ALG9: variants seen among roughly 807,000 people sequenced by gnomAD.
ALG9 encodes alpha-1,2-mannosyltransferase ALG9.
In ALG9, 55 loss-of-function variants were observed where a neutral mutation model predicts 81.8. That is an observed-to-expected ratio of 0.67 (90% CI 0.54 to 0.84). The LOEUF is 0.84. ALG9 is among the 40% of genes least tolerant of loss of function. The pLI, the probability that ALG9 is intolerant of heterozygous loss-of-function variation, is 0.00. For missense variants in ALG9, 629 were observed against 745.0 expected (o/e 0.84, Z 1.81); for synonymous variants, 278 against 274.3 (o/e 1.01, Z -0.13).
intron 11 of ALG9, among the ~76,000 whole-genome samples, chr11:111,837,961 C>A (rs1955595022): frequency 6.6e-6 from 1 of 152,060 alleles, no homozygotes; most frequent in African/African-American, 2.4e-5. Flanking sequence ...CCCAAATTTG[C>A]ATTTTAAGTT....
chr11:111,815,319 C>G (rs1212936516), intron 13 of ALG9, among the ~76,000 whole-genome samples: 5 of 152,012 alleles, frequency 3.3e-5, no homozygotes, highest in African/African-American at 9.7e-5. Flanking sequence ...GCGGGAGGAT[C>G]GCTTGAGCCC....
intron 8 of ALG9, among the ~76,000 whole-genome samples, chr11:111,850,578 G>A (rs1316202305): frequency 1.3e-5 from 2 of 151,338 alleles, no homozygotes; most frequent in African/African-American, 2.4e-5. Flanking sequence ...ATGGTGATGG[G>A]TGCCTGTAAT....
intron 8 of ALG9, among the ~76,000 whole-genome samples, chr11:111,848,385 AG>A (rs782626876): frequency 7.9e-5 from 12 of 152,102 alleles, no homozygotes; most frequent in Admixed American, 1.3e-4. Flanking sequence ...TTTGAAAACC[AG>A]GAACAGTTCG....
chr11:111,862,254 T>C (rs1269600455), intron 4 of ALG9, among the ~76,000 whole-genome samples: 3 of 151,096 alleles, frequency 2.0e-5, no homozygotes, highest in Non-Finnish European at 4.4e-5. Context: ...TTTTTTTTTT[T>C]TTAGAGAGAG....
At chr11:111,776,617 C>T in the ALG9 span, among the ~76,000 whole-genome samples, 1 of 151,850 alleles carries the variant, frequency 6.6e-6, no homozygotes, top group African/African-American at 2.4e-5. Context: ...AAACAAAAAC[C>T]AAACCAACAA....
rs1955671385 is a variant in ALG9, at chr11:111,838,353, C to T, written c.1220G>A (p.Arg407Gln). The change falls in exon 11 of 15, where the codon CGA becomes CAA. Residue 407 changes from arginine (R) to glutamine (Q), a missense_variant. By Grantham distance (43) the Arg-to-Gln change is conservative. This residue lies in a region of ALG9 where 264 missense variants were observed against 302.2 expected (regional missense o/e 0.87). Coordinates refer to ENST00000616540, the MANE Select transcript of ALG9 (RefSeq NM_024740.2). ...FQKCYHFVFQRYRLEHYTVTS... is the reference protein window; with the variant it reads ...FQKCYHFVFQQYRLEHYTVTS... ...CACAGTATAGTGCTCCAGGCGATAT[C>T]GTTGAAACACAAAGTGGTAACATTT... The T allele has an allele frequency of 1.2e-6, 2 of 1,613,608 alleles. No individual in the cohort carries two copies. The highest frequency in any genetic ancestry group is 1.7e-6 in the Non-Finnish European group (2 of 1,179,552).
At position 111,783,023 on chromosome 11, in the gene ALG9, G is replaced by T. The variant is rs558748989; in HGVS notation, c.*3374C>A. On this transcript the variant is annotated 3_prime_UTR_variant, in exon 15 of 15. Coordinates refer to ENST00000616540, the MANE Select transcript of ALG9 (RefSeq NM_024740.2). Reference sequence around the variant, plus strand: ...TAAATTTTGGTAGCAGATGCCTACCGTGCAGACTGGTTCAGTAATGGTACT... The same window carrying T: ...TAAATTTTGGTAGCAGATGCCTACCTTGCAGACTGGTTCAGTAATGGTACT... 1 of 152,238 alleles carries T rather than the reference G, an allele frequency of 6.6e-6. No homozygotes were observed. Among genetic ancestry groups the T allele is most frequent in the Admixed American group, 6.5e-5 (1 of 15,286 alleles). 9.4% of individuals were successfully genotyped at this position (152,238 alleles called of 1,614,324 possible).
At chr11:111,795,090 T>C (rs1405597132) in intron 14 of ALG9, among the ~76,000 whole-genome samples, 2 of 152,204 alleles carry the variant, frequency 1.3e-5, no homozygotes, top group Non-Finnish European at 2.9e-5. Context: ...ATGCTGTATG[T>C]TATACTCCAC....
rs551292228 is a variant in ALG9, at chr11:111,870,728, A to G, written c.132-358T>C. 17 of 1,029,468 alleles carry G rather than the reference A, an allele frequency of 1.7e-5. No homozygotes were observed. The South Asian group carries it at 4.3e-4, about 26-fold the overall frequency. The allele number at this position is 1,029,468 out of a possible 1,614,324, so 63.8% of individuals were successfully genotyped here. On this transcript the variant is annotated intron_variant, in intron 1 of 14. Coordinates refer to ENST00000616540, the MANE Select transcript of ALG9 (RefSeq NM_024740.2). ...TAAATTAACTCATACACTTTAGCTC[A>G]ATGCATTTATGTCACTCCATTTATC...
chr11:111,811,097 G>C (rs1302311728), intron 13 of ALG9, among the ~76,000 whole-genome samples: 1 of 152,156 alleles, frequency 6.6e-6, no homozygotes, highest in Admixed American at 6.5e-5. Flanking sequence ...AGACAGTTTA[G>C]CAAAATTTAG....
chr11:111,788,498 T>G (rs1555067270), intron 14 of ALG9: 2 of 452,464 alleles, frequency 4.4e-6, no homozygotes, highest in Non-Finnish European at 8.9e-6. Flanking sequence ...AATCCCAATA[T>G]TTTGAGAGGC....
At chr11:111,811,337 G>A (rs1049912826) in intron 13 of ALG9, among the ~76,000 whole-genome samples, 1 of 152,124 alleles carries the variant, frequency 6.6e-6, no homozygotes, top group African/African-American at 2.4e-5. Context: ...GAGGTCAGGA[G>A]TTCAAGATCA....
At chr11:111,818,831 T>C (rs1555100442) in intron 13 of ALG9, among the ~76,000 whole-genome samples, 1 of 150,560 alleles carries the variant, frequency 6.6e-6, no homozygotes, top group African/African-American at 2.4e-5. Flanking sequence ...GAAGAATGCA[T>C]GAAAAAAAGG....
chr11:111,839,915 A>G (rs1955954541), intron 10 of ALG9, among the ~76,000 whole-genome samples: 1 of 152,192 alleles, frequency 6.6e-6, no homozygotes, highest in South Asian at 2.1e-4. Flanking sequence ...AACAGAAAGT[A>G]GATTAATGGT....
At chr11:111,814,324 A>T (rs1951163555) in intron 13 of ALG9, among the ~76,000 whole-genome samples, 2 of 152,194 alleles carry the variant, frequency 1.3e-5, no homozygotes, top group Admixed American at 6.5e-5. Flanking sequence ...TAAAAGTCAT[A>T]AATCTAAAGA....
chr11:111,806,349 A>G (rs1949931463), intron 14 of ALG9, among the ~76,000 whole-genome samples: 1 of 152,122 alleles, frequency 6.6e-6, no homozygotes, highest in South Asian at 2.1e-4. Context: ...TCCAGTCCCT[A>G]CACCCCCACC....
Position 111,856,084 on chromosome 11 carries a change from C to G in ALG9, c.701+1518G>C, listed in dbSNP as rs182787080. ...ACGAGGTCAGGAGTTCGAGACCAGCCTGGCCAATATGGTAAAACCTCGTCT... is the reference window on the plus strand; with the variant it reads ...ACGAGGTCAGGAGTTCGAGACCAGCGTGGCCAATATGGTAAAACCTCGTCT... On this transcript the variant is annotated intron_variant, in intron 6 of 14. Coordinates refer to ENST00000616540, the MANE Select transcript of ALG9 (RefSeq NM_024740.2). 6.6e-3 allele frequency among the ~76,000 whole-genome samples: 1,007 copies of G among 151,998 alleles called. 6 individuals are homozygous for G. Among genetic ancestry groups the G allele is most frequent in the Middle Eastern group, 0.051 (15 of 294 alleles).
In ALG9 at chr11:111,865,232, A is replaced by G; in HGVS notation, c.425T>C (p.Leu142Ser). Residue 142 changes from leucine (L) to serine (S), a missense_variant, in exon 4 of 15, where the codon TTG (leucine) becomes TCG (serine). Coordinates refer to ENST00000616540, the MANE Select transcript of ALG9 (RefSeq NM_024740.2). Reference protein sequence around the residue: ...QTNKILVFYFLRCLLAFVSCI... With the variant: ...QTNKILVFYFSRCLLAFVSCI... ...GCTCACAAAAGCCAGAAGACATCGC[A>G]AAAAGTAAAACACAAGAATCTAAAA... 1 of 1,552,768 alleles carries G rather than the reference A, an allele frequency of 6.4e-7. No individual in the cohort carries two copies. Among genetic ancestry groups the G allele is most frequent in the East Asian group, 2.4e-5 (1 of 41,112 alleles).
chr11:111,821,340 T>C (rs548175924), intron 13 of ALG9, among the ~76,000 whole-genome samples: 8 of 152,268 alleles, frequency 5.3e-5, no homozygotes, highest in Non-Finnish European at 1.2e-4. Flanking sequence ...TACTTGGCAC[T>C]GTCCCCAGAG....
Sources: allele counts gnomAD v4.1 joint callset (sites outside exome capture counted in the v4.1 genomes callset), GRCh38; gene constraint gnomAD v4.1.1; regional missense constraint gnomAD v4.1.1; transcripts MANE v1.5; gene names NCBI Gene and HGNC (gene_info 2026-07-23, HGNC 2026-07-21).